Variants in DLGAP2 observed in about 807,000 individuals in gnomAD.
DLGAP2 encodes the protein DLG associated protein 2, also known as disks large-associated protein 2.
A neutral mutation model predicts 100.3 loss-of-function variants in DLGAP2; 26 were observed. The observed-to-expected ratio is 0.26, with a 90% CI of 0.19 to 0.36. DLGAP2 has a LOEUF of 0.36. Ranked by LOEUF, DLGAP2 falls within the 10% of genes least tolerant of loss-of-function variation. DLGAP2 has a pLI of 1.00. For synonymous variants in DLGAP2, 886 were observed against 630.1 expected (o/e 1.41, Z -6.08); for missense variants, 1,858 against 1,453.2 (o/e 1.28, Z -4.53).
intron 2 of DLGAP2, among the ~76,000 whole-genome samples, chr8:980,684 A>G (rs1800305785): frequency 6.6e-6 from 1 of 152,124 alleles, no homozygotes; most frequent in South Asian, 2.1e-4. Context: ...GAGGAAGGAG[A>G]GACTCCAGCA....
At chr8:1,509,296 G>T (rs186441383) in intron 4 of DLGAP2, among the ~76,000 whole-genome samples, 1 of 147,970 alleles carries the variant, frequency 6.8e-6, no homozygotes, top group African/African-American at 2.5e-5. Context: ...ACGCCTCTGT[G>T]CTCCGGCCTG....
chr8:1,153,236 G>C (rs892843768), intron 2 of DLGAP2, among the ~76,000 whole-genome samples: 2 of 152,104 alleles, frequency 1.3e-5, no homozygotes, highest in Non-Finnish European at 2.9e-5. Flanking sequence ...AGAATCATCA[G>C]TCTCGATCTG....
At chr8:881,000 G>T (rs1242570643) in intron 1 of DLGAP2, among the ~76,000 whole-genome samples, 2 of 152,220 alleles carry the variant, frequency 1.3e-5, no homozygotes, top group Non-Finnish European at 2.9e-5. Context: ...GCTCATGCTT[G>T]ATAGGTGCTC....
At chr8:911,848 C>T (rs577554736) in intron 2 of DLGAP2, among the ~76,000 whole-genome samples, 2 of 152,320 alleles carry the variant, frequency 1.3e-5, no homozygotes, top group Admixed American at 6.5e-5. Context: ...CCATTGAATC[C>T]ACATTTCCCT....
intron 3 of DLGAP2, among the ~76,000 whole-genome samples, chr8:1,291,477 G>T (rs1438853010): frequency 2.0e-5 from 3 of 152,140 alleles, no homozygotes; most frequent in Non-Finnish European, 2.9e-5. Flanking sequence ...GCAGACGTAT[G>T]GCTCCCTTCA....
chr8:1,364,588 G>T (rs577261818), intron 3 of DLGAP2, among the ~76,000 whole-genome samples: 7 of 152,134 alleles, frequency 4.6e-5, no homozygotes, highest in Admixed American at 3.9e-4. Context: ...CCTCATCTTC[G>T]CAGCAGGGGC....
rs369261179 is a variant in DLGAP2 at position 1,456,977 on chromosome 8, A to G, written c.107-44389A>G. On this transcript the variant is annotated intron_variant, in intron 3 of 14. Transcript: ENST00000637795. Reference sequence around the variant, plus strand: ...AGCACACTAATGAGCGCTGGCGCCCAGGCCTGCAATTAGCCTTTCCCGAGT... The same window carrying G: ...AGCACACTAATGAGCGCTGGCGCCCGGGCCTGCAATTAGCCTTTCCCGAGT... 1.2e-3 allele frequency among the ~76,000 whole-genome samples: 176 copies of G among 152,360 alleles called. 1 individual carries two copies. Among genetic ancestry groups the G allele is most frequent in the African/African-American group, 3.9e-3 (164 of 41,592 alleles).
intron 3 of DLGAP2, among the ~76,000 whole-genome samples, chr8:1,318,017 G>T (rs1369342155): frequency 3.0e-5 from 1 of 32,882 alleles, no homozygotes; most frequent in Non-Finnish European, 5.1e-5. Flanking sequence ...AAAATAGAGC[G>T]TGTGTGAGTG....
At chr8:1,285,500 G>C (rs538535439) in intron 3 of DLGAP2, among the ~76,000 whole-genome samples, 1 of 152,154 alleles carries the variant, frequency 6.6e-6, no homozygotes, top group Non-Finnish European at 1.5e-5. Flanking sequence ...TCTGGATTCT[G>C]TTGTGCAGGT....
chr8:1,551,256 T>G (rs553704900), intron 5 of DLGAP2, among the ~76,000 whole-genome samples: 214 of 152,360 alleles, frequency 1.4e-3, no homozygotes, highest in Non-Finnish European at 2.7e-3. Context: ...TGTGTCTGCT[T>G]GTTTAGAGAA....
intron 3 of DLGAP2, among the ~76,000 whole-genome samples, chr8:1,298,772 C>CAGA (rs1391004764): frequency 6.6e-6 from 1 of 152,214 alleles, no homozygotes; most frequent in Non-Finnish European, 1.5e-5. Flanking sequence ...AAACTAAAGA[C>CAGA]TTCTATTTGC....
At chr8:1,356,446 C>A in intron 3 of DLGAP2, among the ~76,000 whole-genome samples, 1 of 152,220 alleles carries the variant, frequency 6.6e-6, no homozygotes, top group East Asian at 1.9e-4. Flanking sequence ...AAATGCCCGT[C>A]AGAGGCTGCA....
chr8:1,274,178 ATAAAT>A (rs1158440964), intron 3 of DLGAP2, among the ~76,000 whole-genome samples: 2 of 151,844 alleles, frequency 1.3e-5, no homozygotes, highest in African/African-American at 2.4e-5. Flanking sequence ...TAATTTTAAA[ATAAAT>A]TATGTATTTA....
At chr8:1,490,046 C>T (rs1014933197) in intron 3 of DLGAP2, among the ~76,000 whole-genome samples, 13 of 151,194 alleles carry the variant, frequency 8.6e-5, no homozygotes, top group East Asian at 1.9e-4. Context: ...CACCTGCCAC[C>T]GCACCCGGCT....
At chr8:1,079,656 G>T (rs560302580) in intron 2 of DLGAP2, among the ~76,000 whole-genome samples, 5 of 152,302 alleles carry the variant, frequency 3.3e-5, no homozygotes, top group African/African-American at 1.2e-4. Context: ...TCTCCGAGGT[G>T]CTGGAGACAC....
At chr8:975,466 A>T (rs1284606015) in intron 2 of DLGAP2, among the ~76,000 whole-genome samples, 1 of 152,200 alleles carries the variant, frequency 6.6e-6, no homozygotes, top group Non-Finnish European at 1.5e-5. Context: ...GCAGACCAGT[A>T]TTTCTCATAA....
intron 2 of DLGAP2, among the ~76,000 whole-genome samples, chr8:1,005,764 C>T (rs771512477): frequency 4.1e-4 from 62 of 152,250 alleles, no homozygotes; most frequent in Non-Finnish European, 8.1e-4. Context: ...CTGGGAACTG[C>T]AGACACCAAT....
intron 3 of DLGAP2, among the ~76,000 whole-genome samples, chr8:1,371,840 C>T (rs912844654): frequency 1.3e-5 from 2 of 152,168 alleles, no homozygotes; most frequent in Non-Finnish European, 2.9e-5. Flanking sequence ...CTTGACTATT[C>T]TGCATTTCAG....
chr8:1,206,145 A>C (rs925517024), intron 2 of DLGAP2, among the ~76,000 whole-genome samples: 2 of 152,214 alleles, frequency 1.3e-5, no homozygotes, highest in Admixed American at 1.3e-4. Context: ...GGTGGATCAC[A>C]AAGGAGTTTG....
Sources: gnomAD v4.1 joint callset for allele counts (sites outside exome capture counted in the v4.1 genomes callset) on GRCh38, gnomAD v4.1.1 for gene constraint, MANE v1.5 for transcripts, NCBI Gene and HGNC (gene_info 2026-07-23, HGNC 2026-07-21) for gene names.